The following SLC3A2 variants were observed in gnomAD, a reference collection of about 807,000 sequenced individuals.
SLC3A2 encodes solute carrier family 3 member 2, also known as amino acid transporter heavy chain SLC3A2.
In SLC3A2, 32 loss-of-function variants were observed where a neutral mutation model predicts 48.5. That is an observed-to-expected ratio of 0.66 (90% confidence interval 0.50 to 0.89). The LOEUF (loss-of-function observed/expected upper bound fraction) is 0.89, where lower values mean the gene tolerates loss of function less well. Among genes scored for constraint, SLC3A2 ranks in the 40% least tolerant of loss-of-function variants. SLC3A2 has a pLI of 0.00. For synonymous variants in SLC3A2, 277 were observed against 288.8 expected, an observed-to-expected ratio of 0.96 and a Z score of 0.41; for missense variants, 587 against 680.7, an observed-to-expected ratio of 0.86 and a Z score of 1.53.
intron 1 of SLC3A2, among the ~76,000 whole-genome samples, chr11:62,869,821 C>T (rs562915678): frequency 2.0e-5 from 3 of 146,860 alleles, no homozygotes; most frequent in South Asian, 2.1e-4. Context: ...CTTGCTCTGT[C>T]GCCCAGGTTG....
In SLC3A2 at chr11:62,874,054, G is replaced by A. The variant is rs529888052; in HGVS notation, c.113-6965G>A. Among the ~76,000 whole-genome samples the A allele has an allele frequency of 2.1e-3, 260 of 122,642 alleles. 3 individuals are homozygous for A. The Middle Eastern group carries it at 0.056, about 26-fold the overall frequency. 80.5% of individuals were successfully genotyped at this position (122,642 alleles called of 152,430 possible). ...TATGTAGATCTTCCCTCTGCCCAGA[G>A]ATACAGAGTTTAACTCTGTACATCT... On this transcript the variant is annotated intron_variant, in intron 1 of 9. Coordinates refer to the SLC3A2 transcript ENST00000377889.
chr11:62,877,635 T>C (rs2085583998), upstream of SLC3A2, among the ~76,000 whole-genome samples: 1 of 152,184 alleles, frequency 6.6e-6, no homozygotes, highest in African/African-American at 2.4e-5. Context: ...TCACTTGAGC[T>C]AGATCTTGAA....
rs201286590 is a variant in SLC3A2 at position 62,888,146 on chromosome 11, T to C, written c.1155T>C (p.Ala385=). 5.0e-6 allele frequency: 8 copies of C among 1,613,588 alleles called. No individual in the cohort carries two copies. Among genetic ancestry groups the C allele is most frequent in the Non-Finnish European group, 8.5e-7 (1 of 1,179,952 alleles). The change falls in exon 8 of 9, where the codon GCT becomes GCC. Residue 385 remains alanine, a synonymous_variant. Transcript: ENST00000338663. ...AAALPGQPME[A]PVMLWDESSF... Reference sequence around the variant, plus strand: ...TCTCTGCTTTTCAGCCTATGGAGGCTCCAGTCATGCTGTGGGATGAGTCCA... The same window carrying C: ...TCTCTGCTTTTCAGCCTATGGAGGCCCCAGTCATGCTGTGGGATGAGTCCA...
chr11:62,871,889 T>C (rs1253209576), intron 1 of SLC3A2, among the ~76,000 whole-genome samples: 1 of 151,900 alleles, frequency 6.6e-6, no homozygotes, highest in Non-Finnish European at 1.5e-5. Flanking sequence ...AATTTCTTTA[T>C]GACATCAAAT....
In SLC3A2 at chr11:62,888,122, C is replaced by A. The variant is rs770090299; in HGVS notation, c.1144-13C>A. 1 of 1,611,450 alleles carries A rather than the reference C, an allele frequency of 6.2e-7. No individual in the cohort carries two copies. The highest frequency in any genetic ancestry group is 1.7e-5 in the Admixed American group (1 of 59,960). ...CCAGGCCTTTTTAAAGTCCTATTTT[C>A]TCTGCTTTTCAGCCTATGGAGGCTC... is the stretch of plus-strand genomic sequence containing the variant. On this transcript the variant is annotated splice_polypyrimidine_tract_variant and intron_variant, in intron 7 of 8. Coordinates refer to ENST00000338663, the MANE Select transcript of SLC3A2 (RefSeq NM_001013251.3).
At chr11:62,883,281 T>C (rs1465639723) in intron 3 of SLC3A2, 3 of 387,724 alleles carry the variant, frequency 7.7e-6, no homozygotes, top group Non-Finnish European at 1.4e-5. Context: ...TTGATTTTTC[T>C]TTCTTTTGGG....
At chr11:62,888,065 G>C in intron 7 of SLC3A2, 70 bp from the exon 8 acceptor site, 1 of 1,400,198 alleles carries the variant, frequency 7.1e-7, no homozygotes, top group Non-Finnish European at 1.0e-6. Flanking sequence ...CCAGACTGCT[G>C]GAATTACAGA....
intron 1 of SLC3A2, among the ~76,000 whole-genome samples, chr11:62,867,484 C>T (rs2085466309): frequency 6.6e-6 from 1 of 151,678 alleles, no homozygotes; most frequent in African/African-American, 2.4e-5. Flanking sequence ...CACCATCACA[C>T]CCAGCTAATT....
At chr11:62,884,397 A>G (rs573910600) in intron 3 of SLC3A2, 60 bp from the exon 4 acceptor site, 1 of 1,594,058 alleles carries the variant, frequency 6.3e-7, no homozygotes, top group African/African-American at 1.3e-5. Flanking sequence ...TGTGGGCTGG[A>G]ATTTTCTGAG....
Position 62,883,004 on chromosome 11 carries a change from G to A in SLC3A2, c.690+5G>A, listed in dbSNP as rs181427992. On this transcript the variant is annotated splice_donor_5th_base_variant and intron_variant, in intron 3 of 8. Transcript: ENST00000338663. ...ACTGTGGCCACCAAGGTGAAGGTGAGTGTTGGAGCTGATGGCTGGTGGAAG... is the reference window on the plus strand; with the variant it reads ...ACTGTGGCCACCAAGGTGAAGGTGAATGTTGGAGCTGATGGCTGGTGGAAG... The A allele has an allele frequency of 2.5e-6, 4 of 1,613,780 alleles. No individual in the cohort carries two copies. Among genetic ancestry groups the A allele is most frequent in the Non-Finnish European group, 3.4e-6 (4 of 1,179,624 alleles).
intron 2 of SLC3A2, 108 bp downstream of exon 2, chr11:62,882,174 A>G (rs909230043): frequency 6.8e-6 from 9 of 1,314,990 alleles, no homozygotes; most frequent in Non-Finnish European, 8.6e-6. Flanking sequence ...GAGTTTTCCT[A>G]GGGCAGGTAG....
intron 1 of SLC3A2, among the ~76,000 whole-genome samples, chr11:62,875,807 T>G (rs2085565454): frequency 6.6e-6 from 1 of 152,102 alleles, no homozygotes; most frequent in African/African-American, 2.4e-5. Flanking sequence ...CCTCAGGTGA[T>G]CCGCCCGCCT....
At chr11:62,856,493 A>G (rs762583609) in intron 1 of SLC3A2, 4 of 932,546 alleles carry the variant, frequency 4.3e-6, no homozygotes, top group Non-Finnish European at 6.4e-6. Flanking sequence ...TTTTTTCCTA[A>G]CTGGTTCCCT....
chr11:62,882,373 A>T (rs949126207), intron 2 of SLC3A2: 1 of 336,658 alleles, frequency 3.0e-6, no homozygotes, highest in African/African-American at 2.1e-5. Flanking sequence ...GGGGGGGGGG[A>T]ATCCCAAATA....
chr11:62,882,956 C>T lies in SLC3A2; in HGVS notation c.647C>T (p.Ser216Leu), dbSNP rs148341364. The stretch of plus-strand genomic sequence containing the variant: ...ACTCCCAACTACCGGGGTGAGAACT[C>T]GTGGTTCTCCACTCAGGTTGACACT... Reference protein sequence around the residue: ...DLTPNYRGENSWFSTQVDTVA... With the variant: ...DLTPNYRGENLWFSTQVDTVA... Residue 216 changes from serine (S) to leucine (L), a missense_variant, in exon 3 of 9, where the codon TCG (serine) becomes TTG (leucine). Ser to Leu is a moderately radical substitution (Grantham distance 145, BLOSUM62 -2). Coordinates refer to ENST00000338663, the MANE Select transcript of SLC3A2 (RefSeq NM_001013251.3). The T allele has an allele frequency of 2.0e-4, 322 of 1,614,164 alleles. No individual in the cohort carries two copies. The highest frequency in any genetic ancestry group is 1.7e-3 in the African/African-American group (125 of 75,044).
At chr11:62,884,736 C>T (rs964477262) in intron 5 of SLC3A2, 46 bp downstream of exon 5, 1 of 1,512,474 alleles carries the variant, frequency 6.6e-7, no homozygotes, top group Admixed American at 2.0e-5. Context: ...ATGTGGGAAC[C>T]CCTCAGTGGA....
upstream of SLC3A2, chr11:62,880,731 G>T: frequency 2.4e-6 from 1 of 411,932 alleles, no homozygotes; most frequent in Admixed American, 4.2e-5. Flanking sequence ...TAGACAGGTT[G>T]GAGATGAGAA....
chr11:62,861,470 AG>A lies in SLC3A2; in HGVS notation c.112+5091del, dbSNP rs149251361. Among the ~76,000 whole-genome samples the A allele has an allele frequency of 5.1e-3, 777 of 151,920 alleles. 6 individuals carry two copies. The highest frequency in any genetic ancestry group is 0.018 in the African/African-American group (752 of 41,490). On this transcript the variant is annotated intron_variant, in intron 1 of 9. Coordinates refer to the SLC3A2 transcript ENST00000377889. ...AGACAGAGGTCTTGCTGTGTTGCCC[AG>A]GCTGGTCTCAAACTCCTGGGCTCAA...
chr11:62,865,744 C>T (rs982834378), intron 1 of SLC3A2, among the ~76,000 whole-genome samples: 13 of 152,112 alleles, frequency 8.5e-5, no homozygotes, highest in African/African-American at 2.9e-4. Flanking sequence ...GGATGCCATG[C>T]TCTATTGTAT....
Sources: allele counts gnomAD v4.1 joint callset (sites outside exome capture counted in the v4.1 genomes callset), GRCh38; gene constraint gnomAD v4.1.1; transcripts MANE v1.5; gene names NCBI Gene and HGNC (gene_info 2026-07-23, HGNC 2026-07-21).